Variants in AFF1 observed in about 807,000 individuals in gnomAD.
The protein encoded by AFF1 is ALF transcription elongation factor 1.
A neutral mutation model predicts 121.7 loss-of-function variants in AFF1; 48 were observed. The ratio of observed to expected loss-of-function variants is 0.39; its 90% confidence interval spans 0.31 to 0.50. The LOEUF (loss-of-function observed/expected upper bound fraction) is 0.50. AFF1 is among the 20% of genes least tolerant of loss of function. AFF1 has a pLI of 0.76. For missense variants in AFF1, 1,523 were observed against 1,511.7 expected (o/e 1.01, Z -0.12); for synonymous variants, 613 against 563.0 (o/e 1.09, Z -1.26).
At chr4:87,027,186 G>A (rs1267974887) in intron 2 of AFF1, among the ~76,000 whole-genome samples, 5 of 152,190 alleles carry the variant, frequency 3.3e-5, no homozygotes, top group Non-Finnish European at 7.3e-5. Context: ...CTTCCCAGGT[G>A]GGAATCTGAA....
intron 6 of AFF1, among the ~76,000 whole-genome samples, chr4:87,090,746 G>A (rs2149714966): frequency 6.6e-6 from 1 of 152,212 alleles, no homozygotes. Flanking sequence ...AGGTATGGTG[G>A]CTCATGCCTG....
At chr4:87,006,078 C>T (rs920385389) in intron 2 of AFF1, among the ~76,000 whole-genome samples, 2 of 152,174 alleles carry the variant, frequency 1.3e-5, no homozygotes, top group African/African-American at 4.8e-5. Context: ...CCAGCATTGT[C>T]GTTTTAGTGC....
intron 4 of AFF1, among the ~76,000 whole-genome samples, chr4:87,058,540 C>G (rs1197868952): frequency 6.6e-6 from 1 of 152,066 alleles, no homozygotes; most frequent in East Asian, 1.9e-4. Flanking sequence ...ATCATAGCAG[C>G]CACCATTTGT....
chr4:87,035,220 G>C (rs1729438932), intron 2 of AFF1, among the ~76,000 whole-genome samples: 1 of 152,200 alleles, frequency 6.6e-6, no homozygotes, highest in Admixed American at 6.5e-5. Flanking sequence ...CGCAGGAAGG[G>C]TGCTCTTACC....
At chr4:86,982,897 A>G (rs1723888422) in intron 2 of AFF1, among the ~76,000 whole-genome samples, 1 of 138,158 alleles carries the variant, frequency 7.2e-6, no homozygotes, top group South Asian at 2.3e-4. Flanking sequence ...TGCCCCTTCC[A>G]CTGTGTGAGG....
chr4:86,948,250 A>T (rs1025578962), intron 1 of AFF1, among the ~76,000 whole-genome samples: 1 of 152,150 alleles, frequency 6.6e-6, no homozygotes, highest in Non-Finnish European at 1.5e-5. Context: ...CCTCCTCCTT[A>T]TGGTAAACTT....
intron 12 of AFF1, among the ~76,000 whole-genome samples, chr4:87,123,683 G>GT (rs980164163): frequency 7.2e-5 from 11 of 151,812 alleles, no homozygotes; most frequent in East Asian, 1.9e-4. Context: ...AGGGAATTTT[G>GT]TTTTTTTTCT....
Position 87,140,784 on chromosome 4 carries a change from G to C in AFF1, c.*5083G>C, listed in dbSNP as rs556821642. 2.0e-4 allele frequency: 38 copies of C among 188,742 alleles called. No individual in the cohort carries two copies. Among genetic ancestry groups the C allele is most frequent in the Admixed American group, 6.8e-4 (11 of 16,182 alleles). The allele number at this position is 188,742 out of a possible 1,614,324, so 11.7% of individuals were successfully genotyped here. ...CAATGGAACTGCAACTTGGGGCTTT[G>C]TGAATAAAATTTAGCTGCCTTGTAT... On this transcript the variant is annotated 3_prime_UTR_variant, in exon 21 of 21. Transcript: ENST00000395146.
At chr4:86,964,773 A>G (rs1722419614) in intron 2 of AFF1, among the ~76,000 whole-genome samples, 2 of 152,186 alleles carry the variant, frequency 1.3e-5, no homozygotes, top group Non-Finnish European at 2.9e-5. Context: ...ATCATAGCTT[A>G]CTATTTTTAA....
intron 2 of AFF1, among the ~76,000 whole-genome samples, chr4:86,959,369 A>G (rs1721979818): frequency 1.3e-5 from 2 of 152,342 alleles, no homozygotes; most frequent in African/African-American, 4.8e-5. Context: ...AAAAGTTTAC[A>G]TTAAAAAAAG....
chr4:87,127,442 C>T (rs1030068920), intron 15 of AFF1, among the ~76,000 whole-genome samples: 9 of 152,144 alleles, frequency 5.9e-5, no homozygotes, highest in African/African-American at 1.7e-4. Context: ...GGATTACAGG[C>T]GTGAGCCACT....
At chr4:87,075,259 G>C (rs1722530513) in intron 4 of AFF1, among the ~76,000 whole-genome samples, 1 of 151,832 alleles carries the variant, frequency 6.6e-6, no homozygotes, top group South Asian at 2.1e-4. Flanking sequence ...TGCTTTAGTT[G>C]ATGAAAGATA....
rs547248033 is a variant in AFF1 at position 87,109,743 on chromosome 4, A to G, written c.1533+1428A>G. Among the ~76,000 whole-genome samples the G allele has an allele frequency of 6.6e-5, 10 of 152,376 alleles. No individual in the cohort carries two copies. In the South Asian group the frequency reaches 2.1e-3, roughly 32 times the overall value. Reference sequence around the variant, plus strand: ...TGAAACTTGATAGTCTGGCGTTTGTAGTAATGAGACATAGATATATTTTAT... The same window carrying G: ...TGAAACTTGATAGTCTGGCGTTTGTGGTAATGAGACATAGATATATTTTAT... On this transcript the variant is annotated intron_variant, in intron 11 of 20. Transcript: ENST00000395146.
At chr4:86,988,614 G>A (rs1374193744) in intron 2 of AFF1, among the ~76,000 whole-genome samples, 1 of 152,110 alleles carries the variant, frequency 6.6e-6, no homozygotes, top group Non-Finnish European at 1.5e-5. Context: ...TGGCCATACT[G>A]CCCAAAGTAA....
intron 8 of AFF1, among the ~76,000 whole-genome samples, 159 bp from the exon 9 acceptor site, chr4:87,105,469 A>G (rs964805034): frequency 1.3e-5 from 2 of 152,244 alleles, no homozygotes; most frequent in African/African-American, 4.8e-5. Context: ...ATAATTGTAA[A>G]ACTTAACATT....
At chr4:86,964,637 T>C (rs1460913815) in intron 2 of AFF1, among the ~76,000 whole-genome samples, 1 of 151,822 alleles carries the variant, frequency 6.6e-6, no homozygotes, top group Non-Finnish European at 1.5e-5. Flanking sequence ...TTTCTCCACG[T>C]TGGTCAGGCT....
At chr4:87,043,689 A>C (rs548293222) in intron 2 of AFF1, among the ~76,000 whole-genome samples, 1 of 152,354 alleles carries the variant, frequency 6.6e-6, no homozygotes, top group Admixed American at 6.5e-5. Context: ...TCTTCTTTTC[A>C]GTATTTTGAC....
chr4:87,069,745 A>G (rs569965666), intron 4 of AFF1, among the ~76,000 whole-genome samples: 3 of 151,974 alleles, frequency 2.0e-5, no homozygotes, highest in Non-Finnish European at 4.4e-5. Flanking sequence ...AAATCACAGC[A>G]TATTCTTGGC....
chr4:87,117,163 T>G (rs906904756), intron 12 of AFF1, among the ~76,000 whole-genome samples: 1 of 152,208 alleles, frequency 6.6e-6, no homozygotes. Context: ...GAAGTGCAGC[T>G]TGTGGCTCTA....
Sources: gnomAD v4.1 joint callset for allele counts (sites outside exome capture counted in the v4.1 genomes callset) on GRCh38, gnomAD v4.1.1 for gene constraint, MANE v1.5 for transcripts, NCBI Gene and HGNC (gene_info 2026-07-23, HGNC 2026-07-21) for gene names.